TBCK: variants seen among roughly 807,000 people sequenced by gnomAD.
TBCK encodes TBC1 domain containing kinase.
In TBCK, 99 loss-of-function variants were observed where a neutral mutation model predicts 113.4. The observed-to-expected ratio is 0.87, with a 90% CI of 0.74 to 1.03. The LOEUF (loss-of-function observed/expected upper bound fraction) is 1.03. TBCK is among the 50% of genes least tolerant of loss of function. The pLI is 0.00. For synonymous variants in TBCK, 369 were observed against 370.8 expected, an observed-to-expected ratio of 1.00 and a Z score of 0.05; for missense variants, 1,045 against 1,061.3, an observed-to-expected ratio of 0.98 and a Z score of 0.21.
At chr4:106,123,228 A>C (rs1578971336) in intron 23 of TBCK, among the ~76,000 whole-genome samples, 2 of 152,316 alleles carry the variant, frequency 1.3e-5, no homozygotes, top group East Asian at 3.9e-4. Flanking sequence ...CTTATACACC[A>C]ACAACAAACA....
rs547072746 is a variant in TBCK, at chr4:106,123,977, C to T, written c.2236-7599G>A. Reference sequence around the variant, plus strand: ...ATGTCCAAAACACCAAAAGCAATGGCAACAAAAGACAAAATTGACAAACGG... The same window carrying T: ...ATGTCCAAAACACCAAAAGCAATGGTAACAAAAGACAAAATTGACAAACGG... On this transcript the variant is annotated intron_variant, in intron 23 of 25. Coordinates refer to ENST00000394708, the MANE Select transcript of TBCK (RefSeq NM_001163435.3). Among the ~76,000 whole-genome samples the T allele has an allele frequency of 1.5e-3, 226 of 151,434 alleles. 1 individual carries two copies. The highest frequency in any genetic ancestry group is 2.8e-3 in the Non-Finnish European group (190 of 67,880).
chr4:106,178,030 A>G (rs1751893480), intron 22 of TBCK, among the ~76,000 whole-genome samples: 2 of 151,562 alleles, frequency 1.3e-5, no homozygotes, highest in African/African-American at 2.4e-5. Context: ...CATTGTGGAG[A>G]TCTCTCACTT....
chr4:106,046,580 G>A lies in TBCK; in HGVS notation c.2672C>T (p.Pro891Leu), dbSNP rs1449475718. 1 of 1,591,214 alleles carries A rather than the reference G, an allele frequency of 6.3e-7. No individual in the cohort carries two copies. The highest frequency in any genetic ancestry group is 8.6e-7 in the Non-Finnish European group (1 of 1,159,406). ...CACACTCTTGGTTCTTCATATTTGAGGAGATGGGATGGTGAGGAGGCCTGT... is the reference window on the plus strand; with the variant it reads ...CACACTCTTGGTTCTTCATATTTGAAGAGATGGGATGGTGAGGAGGCCTGT... ...KPTGLLTIPS[P>L]QI Residue 891 changes from proline (P) to leucine (L), a missense_variant, in exon 26 of 26, where the codon CCT becomes CTT. Physicochemically the swap from Pro to Leu is moderately conservative, Grantham distance 98. Transcript: ENST00000394708.
At chr4:106,153,731 C>T (rs1748794704) in intron 23 of TBCK, among the ~76,000 whole-genome samples, 1 of 151,950 alleles carries the variant, frequency 6.6e-6, no homozygotes, top group African/African-American at 2.4e-5. Context: ...TTGGGTACTC[C>T]AGTACTGAAT....
chr4:106,275,384 A>G (rs1460241455), intron 3 of TBCK, among the ~76,000 whole-genome samples: 2 of 151,920 alleles, frequency 1.3e-5, no homozygotes, highest in Non-Finnish European at 2.9e-5. Flanking sequence ...AATATTGACC[A>G]TTCAATATTT....
chr4:106,111,119 C>T lies in TBCK; in HGVS notation c.2411+5084G>A, dbSNP rs559153666. Among the ~76,000 whole-genome samples, 3 of 152,240 alleles carry T rather than the reference C, an allele frequency of 2.0e-5. No individual in the cohort carries two copies. The South Asian group carries it at 6.2e-4, about 32-fold the overall frequency. ...TTTCTCCCCTACCCCTAACGTGGCT[C>T]TCTCAAAATCCTATTTGGGTAGAAC... On this transcript the variant is annotated intron_variant, in intron 24 of 25. Transcript: ENST00000394708.
chr4:106,075,800 A>ATTG (rs1414640138), intron 25 of TBCK, among the ~76,000 whole-genome samples: 1 of 152,250 alleles, frequency 6.6e-6, no homozygotes, highest in African/African-American at 2.4e-5. Context: ...CATCTTTAAA[A>ATTG]TTGTTAATGT....
rs2150094719 is a variant in TBCK, at chr4:106,260,517, T to C, written c.382-7A>G. The C allele has an allele frequency of 9.3e-7, 1 of 1,078,922 alleles. No homozygotes were observed. The highest frequency in any genetic ancestry group is 1.3e-6 in the Non-Finnish European group (1 of 796,342). The allele number at this position is 1,078,922 out of a possible 1,614,324, so 66.8% of individuals were successfully genotyped here. On this transcript the variant is annotated splice_polypyrimidine_tract_variant and splice_region_variant and intron_variant, in intron 4 of 25. Transcript: ENST00000394708. Reference sequence around the variant, plus strand: ...TAGCCAATTTAATATGTCCCTATGATAATAAAGAAAAAAAACACTATCAAA... The same window carrying C: ...TAGCCAATTTAATATGTCCCTATGACAATAAAGAAAAAAAACACTATCAAA...
At chr4:106,293,470 A>C (rs1038038000) in intron 3 of TBCK, among the ~76,000 whole-genome samples, 9 of 152,206 alleles carry the variant, frequency 5.9e-5, no homozygotes, top group Non-Finnish European at 1.2e-4. Context: ...TTACAATATA[A>C]TAAAAATAGA....
At position 106,045,063 on chromosome 4, in the gene TBCK, T is replaced by A. The variant is rs898549845; in HGVS notation, c.*1507A>T. ...GAAATGGGAATGTATCTTTCTTTTT[T>A]TTTTTTTTTTTGAGATGGCAGGGTG... is the stretch of plus-strand genomic sequence containing the variant. On this transcript the variant is annotated 3_prime_UTR_variant, in exon 26 of 26. Coordinates refer to ENST00000394708, the MANE Select transcript of TBCK (RefSeq NM_001163435.3). 6.6e-6 allele frequency: 1 copy of A among 150,932 alleles called. No homozygotes were observed. Among genetic ancestry groups the A allele is most frequent in the South Asian group, 2.1e-4 (1 of 4,778 alleles). 9.3% of individuals were successfully genotyped at this position (150,932 alleles called of 1,614,324 possible).
chr4:106,309,908 G>T (rs2125898735), intron 1 of TBCK: 1 of 152,240 alleles, frequency 6.6e-6, no homozygotes, highest in East Asian at 1.9e-4. Context: ...ATAGCATGAG[G>T]CGTCCTATTT....
rs528314668 is a variant in TBCK at position 106,104,854 on chromosome 4, A to G, written c.2412-9213T>C. Among the ~76,000 whole-genome samples, 5 of 152,316 alleles carry G rather than the reference A, an allele frequency of 3.3e-5. No homozygotes were observed. In the East Asian group the frequency reaches 9.6e-4, roughly 29 times the overall value. ...TGGTGACACCTCCAGGTTCTGGAAA[A>G]TCCGAGATGACTAGGGCCTAGAGTG... On this transcript the variant is annotated intron_variant, in intron 24 of 25. Coordinates refer to ENST00000394708, the MANE Select transcript of TBCK (RefSeq NM_001163435.3).
chr4:106,047,786 G>A lies in TBCK; in HGVS notation c.2572-1106C>T, dbSNP rs530745182. 6.6e-5 allele frequency among the ~76,000 whole-genome samples: 10 copies of A among 152,242 alleles called. No homozygotes were observed. In the East Asian group the frequency reaches 1.4e-3, roughly 21 times the overall value. ...ACCATAAAACCTAGGGCAAAATTAT[G>A]AAGTAAAGAAGTTTTTCTTTGGCCC... On this transcript the variant is annotated intron_variant, in intron 25 of 25. Transcript: ENST00000394708.
chr4:106,296,051 A>G (rs976512755), intron 2 of TBCK, among the ~76,000 whole-genome samples: 1 of 152,206 alleles, frequency 6.6e-6, no homozygotes, highest in Admixed American at 6.5e-5. Flanking sequence ...AGTGGTAGAC[A>G]TGATCAACAT....
At chr4:106,252,269 T>G (rs769162287) in intron 5 of TBCK, among the ~76,000 whole-genome samples, 21 of 152,228 alleles carry the variant, frequency 1.4e-4, no homozygotes, top group Admixed American at 2.0e-4. Flanking sequence ...TCTCTCTGTG[T>G]TTTTAACACA....
At chr4:106,187,175 G>A (rs972183895) in intron 22 of TBCK, among the ~76,000 whole-genome samples, 1 of 152,090 alleles carries the variant, frequency 6.6e-6, no homozygotes, top group African/African-American at 2.4e-5. Flanking sequence ...GTAGTGTGAT[G>A]TCTCCAGCTT....
chr4:106,127,950 TAC>T (rs141821940), intron 23 of TBCK, among the ~76,000 whole-genome samples: 5 of 151,088 alleles, frequency 3.3e-5, no homozygotes, highest in Admixed American at 6.6e-5. Context: ...AGGATAGCAC[TAC>T]ACACACACAC....
chr4:106,160,366 T>G (rs374769844), intron 23 of TBCK, among the ~76,000 whole-genome samples: 1 of 151,746 alleles, frequency 6.6e-6, no homozygotes, highest in Non-Finnish European at 1.5e-5. Flanking sequence ...GCAAATCATA[T>G]ATTTAATATG....
intron 22 of TBCK, among the ~76,000 whole-genome samples, chr4:106,176,489 A>G: frequency 6.6e-6 from 1 of 152,084 alleles, no homozygotes; most frequent in East Asian, 1.9e-4. Flanking sequence ...AATTACATCC[A>G]TGTTGTTGCA....
Sources: gnomAD v4.1 joint callset for allele counts (sites outside exome capture counted in the v4.1 genomes callset) on GRCh38, gnomAD v4.1.1 for gene constraint, MANE v1.5 for transcripts, NCBI Gene and HGNC (gene_info 2026-07-23, HGNC 2026-07-21) for gene names.